PTPN3: variants seen among roughly 807,000 people sequenced by gnomAD.
The protein encoded by PTPN3 is protein tyrosine phosphatase non-receptor type 3.
PTPN3 carries 96 observed loss-of-function variants against 132.7 expected under a neutral mutation model. The observed-to-expected ratio is 0.72, with a 90% CI of 0.61 to 0.86. The LOEUF (loss-of-function observed/expected upper bound fraction) is 0.86. Ranked by LOEUF, PTPN3 falls within the 40% of genes least tolerant of loss-of-function variation. The probability of loss-of-function intolerance (pLI) is 0.00; values close to 1 mark genes in which losing one functional copy is unlikely to be tolerated. For missense variants in PTPN3, 1,125 were observed against 1,159.6 expected (o/e 0.97, Z 0.43); for synonymous variants, 398 against 429.0 (o/e 0.93, Z 0.89).
At chr9:109,520,059 T>A in the PTPN3 span, among the ~76,000 whole-genome samples, 10,229 of 151,218 alleles carry the variant, frequency 0.068, 523 homozygotes, top group East Asian at 0.23. Context: ...CTCAGGAGGC[T>A]GAGGCAGGAG....
rs760725973 is a variant in PTPN3 at position 109,438,202 on chromosome 9, G to T, written c.499C>A (p.His167Asn). Residue 167 changes from histidine (H) to asparagine (N), a missense_variant, in exon 8 of 26, where the codon CAT (histidine) becomes AAT (asparagine). By Grantham distance (68) the His-to-Asn change is moderately conservative. Coordinates refer to ENST00000374541, the MANE Select transcript of PTPN3 (RefSeq NM_002829.4). ...HFGDYNSSIH[H>N]PGYLSDSHFI... Reference sequence around the variant, plus strand: ...TGACTATCGGAAAGATAGCCTGGATGATGTATGGAAGAATTATAGTCTCCA... The same window carrying T: ...TGACTATCGGAAAGATAGCCTGGATTATGTATGGAAGAATTATAGTCTCCA... 6.2e-7 allele frequency: 1 copy of T among 1,612,970 alleles called. No individual in the cohort carries two copies. Among genetic ancestry groups the T allele is most frequent in the Non-Finnish European group, 8.5e-7 (1 of 1,179,092 alleles).
chr9:109,438,100 C>T lies in PTPN3; in HGVS notation c.587+14G>A. On this transcript the variant is annotated intron_variant, in intron 8 of 25. Transcript: ENST00000374541. Reference sequence around the variant, plus strand: ...ACCCAAGTCCCCAAAGTAGGCCACCCCAGCCCCCCTCACCTGTGCTGCTCA... The same window carrying T: ...ACCCAAGTCCCCAAAGTAGGCCACCTCAGCCCCCCTCACCTGTGCTGCTCA... 1 of 1,609,644 alleles carries T rather than the reference C, an allele frequency of 6.2e-7. No individual in the cohort carries two copies. Among genetic ancestry groups the T allele is most frequent in the Non-Finnish European group, 8.5e-7 (1 of 1,178,378 alleles).
At chr9:109,485,550 A>T (rs942488443) in intron 1 of PTPN3, among the ~76,000 whole-genome samples, 21 of 152,092 alleles carry the variant, frequency 1.4e-4, no homozygotes, top group Admixed American at 1.3e-3. Flanking sequence ...AAGTAAAAAT[A>T]AAAAGAGTCA....
rs756059630 is a variant in PTPN3, at chr9:109,445,276, T to C, written c.430A>G (p.Asn144Asp). The change falls in exon 7 of 26, where the codon AAC becomes GAC. Residue 144 changes from asparagine to aspartate, a missense_variant. Physicochemically the swap from Asn to Asp is conservative, Grantham distance 23. Transcript: ENST00000374541. ...ICEGRLTCPL[N>D]SAVVLASYAV... Reference sequence around the variant, plus strand: ...TAGGACGCTAGAACCACTGCTGAGTTAAGAGGGCAGGTTAACCTGTCAGGA... The same window carrying C: ...TAGGACGCTAGAACCACTGCTGAGTCAAGAGGGCAGGTTAACCTGTCAGGA... The C allele has an allele frequency of 6.2e-7, 1 of 1,613,756 alleles. No individual in the cohort carries two copies. Among genetic ancestry groups the C allele is most frequent in the South Asian group, 1.1e-5 (1 of 91,078 alleles).
At chr9:109,455,223 A>G (rs1181129038) in intron 4 of PTPN3, among the ~76,000 whole-genome samples, 1 of 152,248 alleles carries the variant, frequency 6.6e-6, no homozygotes, top group African/African-American at 2.4e-5. Flanking sequence ...ACATATTCAA[A>G]TACGGCTTTA....
At chr9:109,514,283 T>C in the PTPN3 span, among the ~76,000 whole-genome samples, 81 of 152,288 alleles carry the variant, frequency 5.3e-4, no homozygotes, top group African/African-American at 1.6e-3. Flanking sequence ...AGGCATGGAT[T>C]TGAATAAGCT....
At chr9:109,385,626 C>T (rs924197899) in intron 22 of PTPN3, among the ~76,000 whole-genome samples, 2 of 152,174 alleles carry the variant, frequency 1.3e-5, no homozygotes, top group East Asian at 1.9e-4. Flanking sequence ...GCTGGTAATA[C>T]TCTGGAATGA....
intron 2 of PTPN3, among the ~76,000 whole-genome samples, chr9:109,460,646 G>T (rs1445780004): frequency 6.6e-6 from 1 of 152,184 alleles, no homozygotes; most frequent in African/African-American, 2.4e-5. Flanking sequence ...GCTCCCTCCA[G>T]ATGAACGCCT....
intron 7 of PTPN3, among the ~76,000 whole-genome samples, chr9:109,440,863 C>T (rs2131951736): frequency 1.3e-5 from 2 of 152,322 alleles, no homozygotes; most frequent in South Asian, 4.1e-4. Flanking sequence ...CCTTTAAATC[C>T]TAAGCGGCCA....
chr9:109,458,997 C>T (rs1301950021), intron 2 of PTPN3, among the ~76,000 whole-genome samples: 1 of 152,170 alleles, frequency 6.6e-6, no homozygotes, highest in Admixed American at 6.5e-5. Context: ...GCAGAGGCAC[C>T]GAGAGGCTCC....
rs554956076 is a variant in PTPN3, at chr9:109,447,867, C to T, written c.413+944G>A. ...TTCTGCCTGCTAGATGTAAGATGCC[C>T]GCCTACGTAGGACACGAACAGCCCT... On this transcript the variant is annotated intron_variant, in intron 6 of 25. Coordinates refer to ENST00000374541, the MANE Select transcript of PTPN3 (RefSeq NM_002829.4). Among the ~76,000 whole-genome samples, 7 of 152,286 alleles carry T rather than the reference C, an allele frequency of 4.6e-5. No individual in the cohort carries two copies. In the South Asian group the frequency reaches 8.3e-4, roughly 18 times the overall value.
chr9:109,504,909 C>T, the PTPN3 span, among the ~76,000 whole-genome samples: 1 of 152,184 alleles, frequency 6.6e-6, no homozygotes, highest in African/African-American at 2.4e-5. Flanking sequence ...TGTCATCTTA[C>T]AAAACCCAGG....
chr9:109,497,413 G>A (rs1336528369), intron 1 of PTPN3, among the ~76,000 whole-genome samples: 1 of 152,148 alleles, frequency 6.6e-6, no homozygotes, highest in East Asian at 1.9e-4. Flanking sequence ...GACCAGAGAG[G>A]TTAAACAACT....
At position 109,391,203 on chromosome 9, in the gene PTPN3, C is replaced by T. The variant is rs765403514; in HGVS notation, c.2045-4G>A. The T allele has an allele frequency of 1.4e-5, 23 of 1,610,918 alleles. No individual in the cohort carries two copies. The highest frequency in any genetic ancestry group is 4.5e-5 in the East Asian group (2 of 44,860). On this transcript the variant is annotated splice_region_variant and splice_polypyrimidine_tract_variant and intron_variant, in intron 20 of 25. Coordinates refer to ENST00000374541, the MANE Select transcript of PTPN3 (RefSeq NM_002829.4). ...AATAATACCCGGGTGGTGTCATCTG[C>T]GGGGAAGAGAAAAATTTACCGATTA...
chr9:109,382,415 C>T lies in PTPN3; in HGVS notation c.2415G>A (p.Gln805=). The T allele has an allele frequency of 6.2e-7, 1 of 1,614,242 alleles. No homozygotes were observed. Among genetic ancestry groups the T allele is most frequent in the Non-Finnish European group, 8.5e-7 (1 of 1,180,046 alleles). Residue 805 remains glutamine, a synonymous_variant, in exon 24 of 26, where the codon CAG becomes CAA. Transcript: ENST00000374541. ...TGEEHTVTHL[Q]YVAWPDHGVP... The stretch of plus-strand genomic sequence containing the variant: ...CACCGTGGTCAGGCCATGCGACGTA[C>T]TGGAGATGTGTCACTGTGTGTTCTT...
At chr9:109,499,615 G>C (rs144567971), upstream of PTPN3, among the ~76,000 whole-genome samples, 1 of 152,348 alleles carries the variant, frequency 6.6e-6, no homozygotes, top group East Asian at 1.9e-4. Flanking sequence ...TGTTGAATAT[G>C]TGAACGAAGG....
At chr9:109,381,839 C>T (rs1477062369) in intron 24 of PTPN3, 52 bp from the exon 25 acceptor site, 1 of 1,607,232 alleles carries the variant, frequency 6.2e-7, no homozygotes, top group Non-Finnish European at 8.5e-7. Flanking sequence ...AGCCTTTCTG[C>T]ATGGCCCAGC....
At chr9:109,491,200 A>T (rs1179793754) in intron 1 of PTPN3, among the ~76,000 whole-genome samples, 2 of 60,178 alleles carry the variant, frequency 3.3e-5, no homozygotes, top group Non-Finnish European at 6.3e-5. Flanking sequence ...ACTCTCTCTC[A>T]AAAAAAAAAA....
chr9:109,521,011 A>G, the PTPN3 span, among the ~76,000 whole-genome samples: 3 of 152,282 alleles, frequency 2.0e-5, no homozygotes, highest in South Asian at 4.1e-4. Flanking sequence ...TCACCTTGAT[A>G]GTCTCTCTCT....
Sources: gnomAD v4.1 joint callset for allele counts (sites outside exome capture counted in the v4.1 genomes callset) on GRCh38, gnomAD v4.1.1 for gene constraint, MANE v1.5 for transcripts, NCBI Gene and HGNC (gene_info 2026-07-23, HGNC 2026-07-21) for gene names.